GSE1: variants seen among roughly 807,000 people sequenced by gnomAD.
GSE1 encodes the protein genetic suppressor element 1.
A neutral mutation model predicts 112.6 loss-of-function variants in GSE1; 32 were observed. The observed-to-expected ratio is 0.28, with a 90% CI of 0.21 to 0.38. The LOEUF is 0.38. Among genes scored for constraint, GSE1 ranks in the 10% least tolerant of loss-of-function variants. The pLI is 1.00. For missense variants in GSE1, 2,348 were observed against 1,699.2 expected, an observed-to-expected ratio of 1.38 and a Z score of -6.71; for synonymous variants, 1,115 against 735.6, an observed-to-expected ratio of 1.52 and a Z score of -8.35.
intron 1 of GSE1, among the ~76,000 whole-genome samples, chr16:85,599,743 A>G (rs185072462): frequency 5.3e-4 from 80 of 152,222 alleles, no homozygotes; most frequent in Admixed American, 1.6e-3. Flanking sequence ...CCCTCTTAAG[A>G]TCCCTGAACC....
chr16:85,343,300 C>A (rs1200625917), intron 1 of GSE1, among the ~76,000 whole-genome samples: 1 of 152,102 alleles, frequency 6.6e-6, no homozygotes, highest in Admixed American at 6.5e-5. Flanking sequence ...CTTGAGGTGA[C>A]CGAGTTCTAG....
At chr16:85,589,822 ATATG>A (rs2046900314) in intron 1 of GSE1, among the ~76,000 whole-genome samples, 1 of 144,102 alleles carries the variant, frequency 6.9e-6, no homozygotes, top group Non-Finnish European at 1.5e-5. Context: ...GTGAGTGTGA[ATATG>A]TGTGAATGTG....
chr16:85,565,381 T>C (rs2045697370), intron 1 of GSE1, among the ~76,000 whole-genome samples: 1 of 144,070 alleles, frequency 6.9e-6, no homozygotes, highest in South Asian at 2.1e-4. Context: ...ACAGAGCGAG[T>C]GAGACTCTGT....
chr16:85,186,640 C>T (rs540724482), intron 1 of GSE1, among the ~76,000 whole-genome samples: 4 of 151,092 alleles, frequency 2.6e-5, no homozygotes, highest in South Asian at 4.2e-4. Context: ...TGTGTGGTGG[C>T]GCATGTCTGT....
chr16:85,668,488 G>C, intron 14 of GSE1, 64 bp downstream of exon 14: 1 of 1,160,444 alleles, frequency 8.6e-7, no homozygotes, highest in Non-Finnish European at 1.2e-6. Flanking sequence ...AGGAAGCTGA[G>C]TGATGAGTTC....
intron 2 of GSE1, among the ~76,000 whole-genome samples, chr16:85,482,507 C>CA (rs139092184): frequency 0.12 from 18,141 of 152,082 alleles, 1,352 homozygotes; most frequent in East Asian, 0.24. Context: ...AGTTCCCCCC[C>CA]CAAATAAAAT....
intron 2 of GSE1, among the ~76,000 whole-genome samples, chr16:85,366,525 C>T: frequency 6.6e-6 from 1 of 152,324 alleles, no homozygotes; most frequent in Admixed American, 6.5e-5. Context: ...GCCCAGGCAG[C>T]CCTGAGAGGC....
intron 2 of GSE1, among the ~76,000 whole-genome samples, chr16:85,361,932 G>A (rs895326133): frequency 6.6e-6 from 1 of 152,178 alleles, no homozygotes; most frequent in Non-Finnish European, 1.5e-5. Context: ...GCCGTGTCCA[G>A]AGTGGGGCCA....
At chr16:85,570,140 G>A (rs2045923545) in intron 1 of GSE1, among the ~76,000 whole-genome samples, 1 of 152,206 alleles carries the variant, frequency 6.6e-6, no homozygotes, top group Non-Finnish European at 1.5e-5. Context: ...GAGGTTGCCT[G>A]CCAGAGTCCT....
chr16:85,520,157 G>A (rs1289381318), intron 2 of GSE1, among the ~76,000 whole-genome samples: 1 of 152,218 alleles, frequency 6.6e-6, no homozygotes, highest in Non-Finnish European at 1.5e-5. Flanking sequence ...GGTGTTTGGT[G>A]AGGGCTCACC....
At chr16:85,234,549 G>C (rs1904399409) in intron 1 of GSE1, among the ~76,000 whole-genome samples, 1 of 152,188 alleles carries the variant, frequency 6.6e-6, no homozygotes, top group Non-Finnish European at 1.5e-5. Flanking sequence ...GGTAACAGAT[G>C]CCTGCCAAGC....
At chr16:85,258,723 C>T (rs193084517) in intron 1 of GSE1, among the ~76,000 whole-genome samples, 68 of 152,298 alleles carry the variant, frequency 4.5e-4, no homozygotes, top group African/African-American at 1.1e-3. Context: ...GACCGCCCAG[C>T]GGGGTCACCA....
intron 1 of GSE1, among the ~76,000 whole-genome samples, chr16:85,247,800 C>T (rs1293095611): frequency 1.3e-5 from 2 of 152,206 alleles, no homozygotes; most frequent in African/African-American, 4.8e-5. Context: ...GGGGACATGC[C>T]AGGGGGCTGG....
At chr16:85,200,342 G>A (rs1278567216) in intron 1 of GSE1, among the ~76,000 whole-genome samples, 2 of 151,242 alleles carry the variant, frequency 1.3e-5, no homozygotes, top group African/African-American at 4.9e-5. Flanking sequence ...TAATCACAGG[G>A]AGAATAATGA....
chr16:85,611,860 G>A (rs892320498), upstream of GSE1, among the ~76,000 whole-genome samples: 1 of 151,978 alleles, frequency 6.6e-6, no homozygotes, highest in Non-Finnish European at 1.5e-5. Context: ...GCTGGCGCGG[G>A]GAGGGGGAGG....
At chr16:85,575,209 A>G (rs1055486350) in intron 1 of GSE1, among the ~76,000 whole-genome samples, 6 of 152,240 alleles carry the variant, frequency 3.9e-5, no homozygotes, top group African/African-American at 1.4e-4. Context: ...ATATGTCCAC[A>G]GGGCCAGGGC....
chr16:85,646,809 A>G (rs12598362), intron 2 of GSE1, among the ~76,000 whole-genome samples: 109,391 of 150,658 alleles, frequency 0.73, 40,436 homozygotes, highest in Middle Eastern at 0.83. Context: ...AGCTTCTGGA[A>G]CCCCAGGCCC....
intron 2 of GSE1, among the ~76,000 whole-genome samples, chr16:85,382,438 C>T (rs1429654012): frequency 6.6e-6 from 1 of 152,190 alleles, no homozygotes. Context: ...ACCCGCTGCC[C>T]CTGCAATGTG....
intron 2 of GSE1, among the ~76,000 whole-genome samples, chr16:85,453,945 T>G (rs1409473041): frequency 6.6e-6 from 1 of 152,070 alleles, no homozygotes; most frequent in African/African-American, 2.4e-5. Flanking sequence ...ACCCCCTGCC[T>G]CCTTGGGTGA....
Sources: allele counts gnomAD v4.1 joint callset (sites outside exome capture counted in the v4.1 genomes callset), GRCh38; gene constraint gnomAD v4.1.1; transcripts MANE v1.5; gene names NCBI Gene and HGNC (gene_info 2026-07-23, HGNC 2026-07-21).